Variants in AP1S3 observed in about 807,000 individuals in gnomAD.
AP1S3 encodes the protein adaptor related protein complex 1 subunit sigma 3.
In AP1S3, 10 loss-of-function variants were observed where a neutral mutation model predicts 20.9. The observed-to-expected ratio is 0.48, with a 90% confidence interval of 0.29 to 0.81. The LOEUF is 0.81. Ranked by LOEUF, AP1S3 falls within the 30% of genes least tolerant of loss-of-function variation. AP1S3 has a pLI of 0.08. For synonymous variants in AP1S3, 41 were observed against 61.5 expected (o/e 0.67, Z 1.56); for missense variants, 154 against 183.8 (o/e 0.84, Z 0.94).
intron 1 of AP1S3, among the ~76,000 whole-genome samples, chr2:223,794,976 G>C (rs1007149768): frequency 6.6e-6 from 1 of 152,182 alleles, no homozygotes; most frequent in African/African-American, 2.4e-5. Flanking sequence ...CCATCTGCAG[G>C]CCAGGCGCAG....
In AP1S3 at chr2:223,780,337, A is replaced by G. The variant is rs1290693988; in HGVS notation, c.4-2468T>C. On this transcript the variant is annotated intron_variant, in intron 1 of 4. Transcript: ENST00000396654. ...GAGAGAGAGAGAGAGAGAGAGAGAG[A>G]GAGAGAGAGAGAGAGAGAGAGTGTG... Among the ~76,000 whole-genome samples, 6 of 125,316 alleles carry G rather than the reference A, an allele frequency of 4.8e-5. No homozygotes were observed. In the East Asian group the frequency reaches 7.2e-4, roughly 15 times the overall value. 82.2% of individuals were successfully genotyped at this position (125,316 alleles called of 152,430 possible). A position where few individuals can be genotyped will look rare whatever the true frequency, so the allele number is the denominator to read the frequency against.
At chr2:223,798,669 T>C (rs1691400842) in intron 1 of AP1S3, among the ~76,000 whole-genome samples, 1 of 152,248 alleles carries the variant, frequency 6.6e-6, no homozygotes, top group African/African-American at 2.4e-5. Flanking sequence ...GACAGGTAGT[T>C]ACACTGAAAG....
At chr2:223,775,011 G>A (rs1190715542) in intron 3 of AP1S3, among the ~76,000 whole-genome samples, 1 of 151,634 alleles carries the variant, frequency 6.6e-6, no homozygotes, top group East Asian at 1.9e-4. Flanking sequence ...CCAAGGAGGC[G>A]CTTCAGAAAT....
intron 1 of AP1S3, among the ~76,000 whole-genome samples, chr2:223,782,072 C>A (rs1244072671): frequency 2.0e-5 from 3 of 147,726 alleles, no homozygotes; most frequent in African/African-American, 7.6e-5. Context: ...AGGGCAGTGG[C>A]GCCATCTTGG....
At chr2:223,774,745 G>A (rs664149) in intron 3 of AP1S3, among the ~76,000 whole-genome samples, 105,439 of 152,098 alleles carry the variant, frequency 0.69, 37,487 homozygotes, top group East Asian at 0.98. Context: ...TAAAGCATAG[G>A]AAAAGACAAA....
intron 1 of AP1S3, among the ~76,000 whole-genome samples, chr2:223,789,269 T>C (rs1183885779): frequency 1.3e-5 from 2 of 151,838 alleles, no homozygotes; most frequent in Non-Finnish European, 2.9e-5. Flanking sequence ...ATAAAACAAA[T>C]AACAGAGTTT....
intron 3 of AP1S3, among the ~76,000 whole-genome samples, chr2:223,767,112 C>G (rs965920498): frequency 1.3e-5 from 2 of 152,036 alleles, no homozygotes; most frequent in African/African-American, 4.8e-5. Flanking sequence ...AGCAAACCAC[C>G]ATGGCACATA....
At chr2:223,799,091 G>A (rs6755198) in intron 1 of AP1S3, among the ~76,000 whole-genome samples, 61,876 of 151,796 alleles carry the variant, frequency 0.41, 12,770 homozygotes, top group Middle Eastern at 0.48. Flanking sequence ...AGAGAGAGAG[G>A]GAGATAAGAA....
intron 1 of AP1S3, among the ~76,000 whole-genome samples, chr2:223,812,732 T>C (rs985011556): frequency 6.6e-6 from 1 of 152,184 alleles, no homozygotes; most frequent in Non-Finnish European, 1.5e-5. Context: ...AGGGATTCCA[T>C]AAAGCCTGGC....
intron 1 of AP1S3, among the ~76,000 whole-genome samples, chr2:223,831,957 G>A (rs1297076287): frequency 1.3e-5 from 2 of 151,890 alleles, no homozygotes; most frequent in Non-Finnish European, 2.9e-5. Flanking sequence ...GGAGCCTGTA[G>A]TCCCAGCTAC....
At chr2:223,776,116 T>C (rs779251059) in intron 2 of AP1S3, 107 bp from the exon 3 acceptor site, 4 of 777,364 alleles carry the variant, frequency 5.1e-6, no homozygotes, top group Non-Finnish European at 9.1e-6. Context: ...GAGCCTCTCC[T>C]CATCCAAGAA....
At chr2:223,806,637 T>C (rs1187570099) in intron 1 of AP1S3, among the ~76,000 whole-genome samples, 2 of 152,138 alleles carry the variant, frequency 1.3e-5, no homozygotes, top group East Asian at 1.9e-4. Context: ...ATTTAGATTG[T>C]CCTTTTATTT....
At position 223,815,106 on chromosome 2, in the gene AP1S3, A is replaced by G. The variant is rs7563589; in HGVS notation, c.3+22342T>C. Among the ~76,000 whole-genome samples, 988 of 152,312 alleles carry G rather than the reference A, an allele frequency of 6.5e-3. 9 individuals are homozygous for G. Among genetic ancestry groups the G allele is most frequent in the African/African-American group, 0.022 (933 of 41,570 alleles). ...TTATTTTAAATAAATGTGATTTAGT[A>G]TTTGACTTAGACTTTCGATTGATTT... On this transcript the variant is annotated intron_variant, in intron 1 of 4. Coordinates refer to ENST00000396654, the MANE Select transcript of AP1S3 (RefSeq NM_001039569.2).
At chr2:223,782,469 C>T (rs1690973392) in intron 1 of AP1S3, among the ~76,000 whole-genome samples, 1 of 152,086 alleles carries the variant, frequency 6.6e-6, no homozygotes, top group Admixed American at 6.6e-5. Context: ...ATCGAGGGCA[C>T]CTAGATCAAC....
rs1368649339 is a variant in AP1S3, at chr2:223,837,097, C to T, written c.3+351G>A. ...GTGTCCCTCCCTCCGCATCCCCCTC[C>T]TGGAAGGTAAGCTTCCTGGAGAACA... On this transcript the variant is annotated intron_variant, in intron 1 of 4. Transcript: ENST00000396654. 3.9e-5 allele frequency among the ~76,000 whole-genome samples: 6 copies of T among 152,236 alleles called. No homozygotes were observed. The East Asian group carries it at 1.2e-3, about 29-fold the overall frequency.
Position 223,786,157 on chromosome 2 carries a change from T to C in AP1S3, c.4-8288A>G, listed in dbSNP as rs114404069. 8.3e-3 allele frequency among the ~76,000 whole-genome samples: 1,261 copies of C among 152,330 alleles called. 18 individuals are homozygous for C. The highest frequency in any genetic ancestry group is 0.029 in the African/African-American group (1,200 of 41,566). On this transcript the variant is annotated intron_variant, in intron 1 of 4. Coordinates refer to ENST00000396654, the MANE Select transcript of AP1S3 (RefSeq NM_001039569.2). ...AGTCTTAAGAAATGTAAGAACTGTG[T>C]AACCGAAGTATCTCCTAGCTACACA...
chr2:223,771,781 G>C (rs1690632981), intron 3 of AP1S3, among the ~76,000 whole-genome samples: 1 of 152,184 alleles, frequency 6.6e-6, no homozygotes, highest in Non-Finnish European at 1.5e-5. Flanking sequence ...TCAAATAATA[G>C]TAAACTATAT....
chr2:223,828,950 C>T (rs998810908), intron 1 of AP1S3, among the ~76,000 whole-genome samples: 1 of 152,232 alleles, frequency 6.6e-6, no homozygotes, highest in African/African-American at 2.4e-5. Flanking sequence ...TCAAGCGATT[C>T]TCAGCCTCCC....
Position 223,777,754 on chromosome 2 carries a change from A to G in AP1S3, c.119T>C (p.Leu40Pro). The G allele has an allele frequency of 6.2e-7, 1 of 1,614,170 alleles. No individual in the cohort carries two copies. Among genetic ancestry groups the G allele is most frequent in the East Asian group, 2.2e-5 (1 of 44,874 alleles). ...ACTGCTTGTCCTGTGACCACGGGAG[A>G]GAATAATCTGAACAATTTCCCGGGT... ...KITREIVQIILSRGHRTSSFV... is the reference protein window; with the variant it reads ...KITREIVQIIPSRGHRTSSFV... The change falls in exon 2 of 5, where the codon CTC (leucine) becomes CCC (proline). Residue 40 changes from leucine to proline, a missense_variant. By Grantham distance (98) the Leu-to-Pro change is moderately conservative (BLOSUM62 -3). Transcript: ENST00000396654.
Sources: gnomAD v4.1 joint callset for allele counts (sites outside exome capture counted in the v4.1 genomes callset) on GRCh38, gnomAD v4.1.1 for gene constraint, MANE v1.5 for transcripts, NCBI Gene and HGNC (gene_info 2026-07-23, HGNC 2026-07-21) for gene names.